The following SPTY2D1 variants were observed in gnomAD, a reference collection of about 807,000 sequenced individuals.
The protein encoded by SPTY2D1 is SPT2 chromatin protein domain containing 1, also known as protein SPT2 homolog.
A neutral mutation model predicts 64.0 loss-of-function variants in SPTY2D1; 21 were observed. That is an observed-to-expected ratio of 0.33 (90% CI 0.23 to 0.47). The LOEUF (loss-of-function observed/expected upper bound fraction) is 0.47, where lower values mean the gene tolerates loss of function less well. Ranked by LOEUF, SPTY2D1 falls within the 20% of genes least tolerant of loss-of-function variation. The pLI is 1.00. For missense variants in SPTY2D1, 724 were observed against 837.2 expected, an observed-to-expected ratio of 0.86 and a Z score of 1.67; for synonymous variants, 287 against 286.8, an observed-to-expected ratio of 1.00 and a Z score of -0.01.
At chr11:18,616,142 A>G in intron 2 of SPTY2D1, 44 bp from the exon 3 acceptor site, 1 of 1,511,572 alleles carries the variant, frequency 6.6e-7, no homozygotes, top group East Asian at 2.3e-5. Context: ...TCGAGATCTC[A>G]AGATTGCAGT....
At chr11:18,625,701 C>T (rs1019562259) in intron 1 of SPTY2D1, among the ~76,000 whole-genome samples, 1 of 151,886 alleles carries the variant, frequency 6.6e-6, no homozygotes, top group Admixed American at 6.6e-5. Flanking sequence ...ACTGGGACTA[C>T]AAGCACACAC....
intron 1 of SPTY2D1, among the ~76,000 whole-genome samples, chr11:18,622,954 AAACAAC>A (rs71050619): frequency 0.035 from 5,185 of 149,304 alleles, 168 homozygotes; most frequent in African/African-American, 0.084. Context: ...CTCTGTCTCA[AAACAAC>A]AACAACAACA....
At position 18,607,340 on chromosome 11, in the gene SPTY2D1, A is replaced by G. The variant is rs2134105751; in HGVS notation, c.*2521T>C. On this transcript the variant is annotated 3_prime_UTR_variant, in exon 6 of 6. Coordinates refer to ENST00000336349, the MANE Select transcript of SPTY2D1 (RefSeq NM_194285.3). ...CCCTTTGCTTTGACATAGCAATATC[A>G]AAAGCAAGTGGGACTGTGCAATCAG... 1 of 152,868 alleles carries G rather than the reference A, an allele frequency of 6.5e-6. No individual in the cohort carries two copies. The highest frequency in any genetic ancestry group is 1.9e-4 in the East Asian group (1 of 5,184). The allele number at this position is 152,868 out of a possible 1,614,324, so 9.5% of individuals were successfully genotyped here. A position where few individuals can be genotyped will look rare whatever the true frequency, so the allele number is the denominator to read the frequency against.
At chr11:18,622,020 G>A (rs533908083) in intron 1 of SPTY2D1, among the ~76,000 whole-genome samples, 3 of 134,866 alleles carry the variant, frequency 2.2e-5, no homozygotes, top group South Asian at 2.5e-4. Flanking sequence ...CAGGGAGGTC[G>A]AGGCTGCAGT....
chr11:18,612,233 T>A lies in SPTY2D1; in HGVS notation c.1886+81A>T. 8.5e-7 allele frequency: 1 copy of A among 1,170,242 alleles called. No homozygotes were observed. Among genetic ancestry groups the A allele is most frequent in the Non-Finnish European group, 1.2e-6 (1 of 845,748 alleles). 72.5% of individuals were successfully genotyped at this position (1,170,242 alleles called of 1,614,324 possible). A position where few individuals can be genotyped will look rare whatever the true frequency, so the allele number is the denominator to read the frequency against. On this transcript the variant is annotated intron_variant, in intron 4 of 5. Transcript: ENST00000336349. The surrounding 1 kb of genome is among the most constrained non-coding windows in gnomAD (Gnocchi z 4.6). The stretch of plus-strand genomic sequence containing the variant: ...TAAGAATTGTATTCAGTGCCTCCAC[T>A]ATTAGTTTATTACCCCATGACATGA...
In SPTY2D1 at chr11:18,614,980, T is replaced by C; in HGVS notation, c.1294A>G (p.Thr432Ala). The change falls in exon 3 of 6, where the codon ACA (threonine) becomes GCA (alanine). Residue 432 changes from threonine (T) to alanine (A), a missense_variant. By Grantham distance (58) the Thr-to-Ala change is moderately conservative. Transcript: ENST00000336349. ...CTTGCAGGTTGTCCAGGGCCACATG[T>C]ACCACTGACTGTCCGCCTAGAGGGA... is the stretch of plus-strand genomic sequence containing the variant. ...SNPSRRTVSG[T>A]CGPGQPASSS... 1 of 1,614,200 alleles carries C rather than the reference T, an allele frequency of 6.2e-7. No homozygotes were observed. The highest frequency in any genetic ancestry group is 8.5e-7 in the Non-Finnish European group (1 of 1,180,036).
rs61312206 is a variant in SPTY2D1, at chr11:18,625,756, TGG to T, written c.60+8440_60+8441del. ...TAATTTTTGTATTTTTTGTAGAGAT[TGG>T]GGGGGGGGTCTCACTTTGTTGCCCA... On this transcript the variant is annotated intron_variant, in intron 1 of 5. Transcript: ENST00000336349. Among the ~76,000 whole-genome samples the T allele has an allele frequency of 4.1e-3, 609 of 147,080 alleles. 1 individual carries two copies. Among genetic ancestry groups the T allele is most frequent in the South Asian group, 5.1e-3 (24 of 4,716 alleles).
At chr11:18,617,720 T>C (rs1854323824) in intron 1 of SPTY2D1, among the ~76,000 whole-genome samples, 1 of 150,828 alleles carries the variant, frequency 6.6e-6, no homozygotes, top group Non-Finnish European at 1.5e-5. Flanking sequence ...GGTGGGAGGA[T>C]TACCTGTGGT....
In SPTY2D1 at chr11:18,615,092, G is replaced by A. The variant is rs375080907; in HGVS notation, c.1182C>T (p.Gly394=). 1.2e-6 allele frequency: 2 copies of A among 1,614,056 alleles called. No individual in the cohort carries two copies. Among genetic ancestry groups the A allele is most frequent in the African/African-American group, 2.7e-5 (2 of 74,954 alleles). Residue 394 remains glycine (G), a synonymous_variant, in exon 3 of 6, where the codon GGC becomes GGT. Coordinates refer to ENST00000336349, the MANE Select transcript of SPTY2D1 (RefSeq NM_194285.3). ...TGCCATTCTGGCGCCTAGGCACAGG[G>A]CCAGAACTAACTGTGGGTCGAGCAA... ...TGVARPTVSS[G]PVPRRQNGSS...
rs148548562 is a variant in SPTY2D1, at chr11:18,615,866, G to A, written c.408C>T (p.His136=). Residue 136 remains histidine (H), a synonymous_variant, in exon 3 of 6, where the codon CAC becomes CAT. Coordinates refer to ENST00000336349, the MANE Select transcript of SPTY2D1 (RefSeq NM_194285.3). ...CCTCATACTCCTGCTCTGACTCTGC[G>A]TGATTGTACTCGAGGAATTCATTCT... ...EEENEFLEYN[H]AESEQEYEEE... is the part of the protein sequence containing the mutation. The A allele has an allele frequency of 5.0e-5, 80 of 1,614,012 alleles. No individual in the cohort carries two copies. In the East Asian group the frequency reaches 1.2e-3, roughly 24 times the overall value.
Position 18,616,947 on chromosome 11 carries a change from T to C in SPTY2D1, c.103A>G (p.Lys35Glu), listed in dbSNP as rs1478664013. The C allele has an allele frequency of 6.2e-7, 1 of 1,614,096 alleles. No individual in the cohort carries two copies. Among genetic ancestry groups the C allele is most frequent in the Non-Finnish European group, 8.5e-7 (1 of 1,180,048 alleles). Residue 35 changes from lysine to glutamate, a missense_variant, in exon 2 of 6, where the codon AAA (lysine) becomes GAA (glutamate). Lys to Glu is a moderately conservative substitution (Grantham distance 56, BLOSUM62 1). This residue lies in a region of SPTY2D1 where 179 missense variants were observed against 232.5 expected (regional missense o/e 0.77). Coordinates refer to ENST00000336349, the MANE Select transcript of SPTY2D1 (RefSeq NM_194285.3). ...GCTGCTGATTGGACACCTTTAACTT[T>C]TGGGTCTTTTTTTGGAGGCCCCACT... ...LAVGPPKKDPKVKGVQSAAVQ... is the reference protein window; with the variant it reads ...LAVGPPKKDPEVKGVQSAAVQ...
At position 18,623,103 on chromosome 11, in the gene SPTY2D1, T is replaced by C. The variant is rs369506566; in HGVS notation, c.61-6114A>G. Among the ~76,000 whole-genome samples, 14 of 152,340 alleles carry C rather than the reference T, an allele frequency of 9.2e-5. 1 individual carries two copies. Among genetic ancestry groups the C allele is most frequent in the Admixed American group, 4.6e-4 (7 of 15,306 alleles). On this transcript the variant is annotated intron_variant, in intron 1 of 5. Coordinates refer to ENST00000336349, the MANE Select transcript of SPTY2D1 (RefSeq NM_194285.3). Reference sequence around the variant, plus strand: ...AACATACATTTTATGAATCCTGATATACTTTTTTCTTAATTCTTTTCAATA... The same window carrying C: ...AACATACATTTTATGAATCCTGATACACTTTTTTCTTAATTCTTTTCAATA...
At chr11:18,622,212 G>A (rs34637245) in intron 1 of SPTY2D1, among the ~76,000 whole-genome samples, 6,201 of 151,476 alleles carry the variant, frequency 0.041, 157 homozygotes, top group Non-Finnish European at 0.05. Flanking sequence ...TGGGTCACTC[G>A]AGATCATCTT....
At chr11:18,626,388 C>T (rs142647615) in intron 1 of SPTY2D1, among the ~76,000 whole-genome samples, 2 of 151,482 alleles carry the variant, frequency 1.3e-5, no homozygotes, top group Non-Finnish European at 2.9e-5. Context: ...TCAGACTCTA[C>T]TGTATACTAA....
intron 4 of SPTY2D1, 138 bp from the exon 5 acceptor site, chr11:18,611,692 G>T: frequency 1.4e-6 from 1 of 727,266 alleles, no homozygotes; most frequent in Non-Finnish European, 2.3e-6. Flanking sequence ...GCTTGGCAGC[G>T]AGTGAGGGGA....
chr11:18,627,507 C>T (rs2134117660), intron 1 of SPTY2D1, among the ~76,000 whole-genome samples: 1 of 152,164 alleles, frequency 6.6e-6, no homozygotes. Context: ...CTTTGGGAGG[C>T]CAAGGCGGGT....
At position 18,615,819 on chromosome 11, in the gene SPTY2D1, A is replaced by G. The variant is rs756851199; in HGVS notation, c.455T>C (p.Val152Ala). The change falls in exon 3 of 6, where the codon GTT becomes GCT. Residue 152 changes from valine to alanine, a missense_variant. By Grantham distance (64) the Val-to-Ala change is moderately conservative. Around this residue, in one of 3 missense-constraint regions of SPTY2D1, gnomAD observed 179 missense variants for 232.5 expected, o/e 0.77. Transcript: ENST00000336349. ...EYEEEQEPPK[V>A]ESKPKVPLKS... is the part of the protein sequence containing the mutation. ...AAGGGGGACCTTTGGTTTGCTTTCA[A>G]CTTTGGGAGGTTCTTGCTCTTCCTC... The G allele has an allele frequency of 1.2e-5, 20 of 1,613,662 alleles. No homozygotes were observed. In the Admixed American group the frequency reaches 1.3e-4, roughly 11 times the overall value.
At chr11:18,631,268 G>A (rs570227204) in intron 1 of SPTY2D1, among the ~76,000 whole-genome samples, 1 of 152,116 alleles carries the variant, frequency 6.6e-6, no homozygotes, top group Non-Finnish European at 1.5e-5. Flanking sequence ...AGCTACCATC[G>A]AAGTCAAGAA....
At position 18,634,310 on chromosome 11, in the gene SPTY2D1, G is replaced by A. The variant is rs538178725; in HGVS notation, c.-53C>T. The A allele has an allele frequency of 2.3e-5, 36 of 1,597,490 alleles. No homozygotes were observed. The East Asian group carries it at 3.6e-4, about 16-fold the overall frequency. On this transcript the variant is annotated 5_prime_UTR_variant, in exon 1 of 6. Transcript: ENST00000336349. ...CAGGCACTCGGAAAGGACTGACAGC[G>A]CACCTAACCGAGGCGCCCAGCTACA...
Sources: gnomAD v4.1 joint callset for allele counts (sites outside exome capture counted in the v4.1 genomes callset) on GRCh38, gnomAD v4.1.1 for gene constraint, gnomAD v4.1.1 regional missense constraint, Gnocchi (gnomAD v3.1) non-coding constraint, MANE v1.5 for transcripts, NCBI Gene and HGNC (gene_info 2026-07-23, HGNC 2026-07-21) for gene names.